Variants in DLG3 observed in about 807,000 individuals in gnomAD.
DLG3 encodes discs large MAGUK scaffold protein 3, also known as disks large homolog 3.
In DLG3, 1 loss-of-function variant was observed where a neutral mutation model predicts 64.1. The ratio of observed to expected loss-of-function variants is 0.02; its 90% CI spans 0.01 to 0.07. DLG3 has a LOEUF of 0.07. Among genes scored for constraint, DLG3 ranks in the 10% least tolerant of loss-of-function variants. The pLI is 1.00. For missense variants in DLG3, 429 were observed against 669.5 expected (o/e 0.64, Z 3.96); for synonymous variants, 245 against 259.8 (o/e 0.94, Z 0.55).
At chrX:70,479,086 T>A in intron 9 of DLG3, 64 bp from the exon 10 acceptor site, 1 of 1,048,547 alleles carries the variant, frequency 9.5e-7, no homozygotes, top group Non-Finnish European at 1.3e-6. Context: ...GCTGCTGGCA[T>A]GCAAGCTCAG....
chrX:70,493,728 C>T (rs2087402726), intron 12 of DLG3, among the ~76,000 whole-genome samples: 1 of 113,021 alleles, frequency 8.8e-6, no homozygotes, highest in Non-Finnish European at 1.9e-5. Context: ...CCAGGGTCAG[C>T]CTCCAGGAAG....
At chrX:70,449,210 C>A in intron 2 of DLG3, 149 bp from the exon 3 acceptor site, 1 of 866,372 alleles carries the variant, frequency 1.2e-6, no homozygotes, top group South Asian at 2.2e-5. Context: ...TCAGCAGAGG[C>A]TGGGTGTCTG....
At chrX:70,499,845 T>A in intron 15 of DLG3, 32 bp from the exon 16 acceptor site, 3 of 1,191,660 alleles carry the variant, frequency 2.5e-6, no homozygotes, top group Non-Finnish European at 3.4e-6. Context: ...TCACTGCCCC[T>A]GGGCCACAAA....
At chrX:70,491,958 G>A in intron 10 of DLG3, 149 bp from the exon 11 acceptor site, 1 of 566,046 alleles carries the variant, frequency 1.8e-6, no homozygotes, top group Non-Finnish European at 3.0e-6. Context: ...GGCTCAGAAA[G>A]AAGGATGTGG....
chrX:70,452,808 C>A, intron 7 of DLG3: 2 of 1,054,003 alleles, frequency 1.9e-6, no homozygotes, highest in South Asian at 4.8e-5. Context: ...GAGGGAGTCT[C>A]GCCCCTGAGA....
intron 10 of DLG3, among the ~76,000 whole-genome samples, chrX:70,484,061 G>A (rs1280271395): frequency 9.0e-6 from 1 of 111,231 alleles, no homozygotes; most frequent in Non-Finnish European, 1.9e-5. Context: ...TTCTATACTT[G>A]TATTTAATTT....
chrX:70,484,896 A>G (rs1466720263), intron 10 of DLG3, among the ~76,000 whole-genome samples: 1 of 111,795 alleles, frequency 8.9e-6, no homozygotes, highest in Non-Finnish European at 1.9e-5. Flanking sequence ...GTTGACCCAC[A>G]CTGTGCCTGT....
chrX:70,464,822 G>A (rs1431096639), intron 9 of DLG3, among the ~76,000 whole-genome samples: 1 of 110,935 alleles, frequency 9.0e-6, no homozygotes, highest in Non-Finnish European at 1.9e-5. Context: ...CAGGCGTGGT[G>A]GTACACCCCT....
At chrX:70,493,509 C>T (rs748368498) in intron 12 of DLG3, 21 of 1,120,030 alleles carry the variant, frequency 1.9e-5, no homozygotes, top group Admixed American at 6.8e-5. Context: ...AGCAGGCCAT[C>T]TGCAGCCCCA....
intron 10 of DLG3, among the ~76,000 whole-genome samples, chrX:70,490,492 G>C (rs1356757060): frequency 8.9e-6 from 1 of 112,150 alleles, no homozygotes; most frequent in Non-Finnish European, 1.9e-5. Context: ...ACTGCTTTGA[G>C]TGTGTAAATT....
chrX:70,477,106 GTTTTTTAAAGGA>G (rs1193827381), intron 9 of DLG3, among the ~76,000 whole-genome samples: 1 of 112,520 alleles, frequency 8.9e-6, no homozygotes, highest in Non-Finnish European at 1.9e-5. Flanking sequence ...TTTCGTGGTT[GTTTTTTAAAGGA>G]TTTTTAAAGA....
chrX:70,495,050 G>A (rs973906581), intron 12 of DLG3, among the ~76,000 whole-genome samples: 1 of 111,772 alleles, frequency 8.9e-6, no homozygotes, highest in Non-Finnish European at 1.9e-5. Flanking sequence ...TCTAAGCCTT[G>A]GAGTGTCACC....
chrX:70,445,638 A>AG (rs945060828), intron 1 of DLG3, 80 bp downstream of exon 1: 1 of 961,720 alleles, frequency 1.0e-6, no homozygotes, highest in African/African-American at 1.9e-5. Flanking sequence ...GGGATGCAGT[A>AG]GGGGTCGCTG....
chrX:70,492,006 C>A, intron 10 of DLG3, 101 bp from the exon 11 acceptor site: 1 of 851,065 alleles, frequency 1.2e-6, no homozygotes, highest in Non-Finnish European at 1.7e-6. Context: ...TGTGAGGCTG[C>A]TATGTCTGTG....
In DLG3 at chrX:70,449,481, G is replaced by A. The variant is rs199982927; in HGVS notation, c.531G>A (p.Leu177=). Reference sequence around the variant, plus strand: ...GAGCAGCTGCCATGGATGGGAGGCTGGGGTGAGATGGCCTGGAAGCAGGGT... The same window carrying A: ...GAGCAGCTGCCATGGATGGGAGGCTAGGGTGAGATGGCCTGGAAGCAGGGT... ...PGGAAAMDGR[L]GVNDCVLRVN... is the part of the protein sequence containing the mutation. The change falls in exon 3 of 19, where the codon CTG becomes CTA. Residue 177 remains leucine, a splice_region_variant and synonymous_variant. Coordinates refer to ENST00000374360, the MANE Select transcript of DLG3 (RefSeq NM_021120.4). 2.5e-6 allele frequency: 3 copies of A among 1,208,554 alleles called. No individual in the cohort carries two copies. Among genetic ancestry groups the A allele is most frequent in the East Asian group, 5.9e-5 (2 of 33,695 alleles).
intron 9 of DLG3, among the ~76,000 whole-genome samples, chrX:70,477,613 C>T (rs185921691): frequency 9.0e-6 from 1 of 111,263 alleles, no homozygotes; most frequent in Non-Finnish European, 1.9e-5. Context: ...CGCCACCCCA[C>T]CCCCCGCAAC....
At chrX:70,483,932 A>G (rs967589972) in intron 10 of DLG3, among the ~76,000 whole-genome samples, 3 of 112,231 alleles carry the variant, frequency 2.7e-5, no homozygotes, top group African/African-American at 9.7e-5. Context: ...GTCCACAGAA[A>G]TAAACCTCTC....
At chrX:70,481,579 G>A (rs2087156123) in intron 10 of DLG3, among the ~76,000 whole-genome samples, 2 of 112,065 alleles carry the variant, frequency 1.8e-5, no homozygotes, top group Non-Finnish European at 3.8e-5. Flanking sequence ...TGGAGTACTT[G>A]CTGCTGCTTC....
Position 70,445,567 on chromosome X carries a change from C to G in DLG3, c.357+9C>G. On this transcript the variant is annotated intron_variant, in intron 1 of 18. Coordinates refer to ENST00000374360, the MANE Select transcript of DLG3 (RefSeq NM_021120.4). ...GGGACTGGTATGAGCAGGTATGGACCAGCGGAGGGGGGAGCGGTGGGGCAA... is the reference window on the plus strand; with the variant it reads ...GGGACTGGTATGAGCAGGTATGGACGAGCGGAGGGGGGAGCGGTGGGGCAA... 10 of 1,173,616 alleles carry G rather than the reference C, an allele frequency of 8.5e-6. No homozygotes were observed. Among genetic ancestry groups the G allele is most frequent in the Non-Finnish European group, 1.1e-5 (10 of 875,054 alleles).
Sources: allele counts gnomAD v4.1 joint callset (sites outside exome capture counted in the v4.1 genomes callset), GRCh38; gene constraint gnomAD v4.1.1; transcripts MANE v1.5; gene names NCBI Gene and HGNC (gene_info 2026-07-23, HGNC 2026-07-21).